The following EPC1 variants were observed in gnomAD, a reference collection of about 807,000 sequenced individuals.
EPC1 encodes the protein enhancer of polycomb homolog 1.
A neutral mutation model predicts 98.4 loss-of-function variants in EPC1; 12 were observed. That is an observed-to-expected ratio of 0.12 (90% CI 0.08 to 0.20). EPC1 has a LOEUF of 0.20. Ranked by LOEUF, EPC1 falls within the 10% of genes least tolerant of loss-of-function variation. The probability of loss-of-function intolerance (pLI) is 1.00; values close to 1 mark genes in which losing one functional copy is unlikely to be tolerated. For missense variants in EPC1, 729 were observed against 990.5 expected, an observed-to-expected ratio of 0.74 and a Z score of 3.54; for synonymous variants, 357 against 363.9, an observed-to-expected ratio of 0.98 and a Z score of 0.21.
Position 32,290,505 on chromosome 10 carries a change from A to AAAAAAAAAAAAAAAAAAGAAAG in EPC1, c.975+657_975+658insCTTTCTTTTTTTTTTTTTTTTT, listed in dbSNP as rs1554819136. On this transcript the variant is annotated intron_variant, in intron 6 of 13. Coordinates refer to ENST00000319778, the MANE Select transcript of EPC1 (RefSeq NM_001272004.3). Reference sequence around the variant, plus strand: ...TGTCAAAAAAAAAAAAAAAAAAAAAAAAAGAAAGAAAGAAAAACTCATCTG... The same window carrying AAAAAAAAAAAAAAAAAAGAAAG: ...TGTCAAAAAAAAAAAAAAAAAAAAAAAAAAAAAAAAAAAAAAAGAAAGAAAGAAAGAAAGAAAAACTCATCTG... 2.5e-4 allele frequency among the ~76,000 whole-genome samples: 19 copies of AAAAAAAAAAAAAAAAAAGAAAG among 77,520 alleles called. 1 individual carries two copies. Among genetic ancestry groups the AAAAAAAAAAAAAAAAAAGAAAG allele is most frequent in the African/African-American group, 1.1e-3 (19 of 18,092 alleles). The allele number at this position is 77,520 out of a possible 152,430, so 50.9% of individuals were successfully genotyped here.
At chr10:32,331,619 TC>T (rs1349683791) in intron 1 of EPC1, among the ~76,000 whole-genome samples, 42 of 151,610 alleles carry the variant, frequency 2.8e-4, no homozygotes, top group African/African-American at 9.1e-4. Flanking sequence ...ATATAAACTA[TC>T]CAAAGTAAAA....
intron 1 of EPC1, among the ~76,000 whole-genome samples, chr10:32,334,907 C>A (rs1286210881): frequency 1.3e-5 from 2 of 152,134 alleles, no homozygotes; most frequent in African/African-American, 2.4e-5. Flanking sequence ...TGTTGAGAAC[C>A]ACTGCAAAGG....
At chr10:32,344,879 T>C (rs1037852219) in intron 1 of EPC1, among the ~76,000 whole-genome samples, 43 of 152,346 alleles carry the variant, frequency 2.8e-4, no homozygotes, top group African/African-American at 9.1e-4. Context: ...AGCTCAGCTC[T>C]GACTTCAGGT....
At chr10:32,378,664 G>T (rs1029114219) in exon 1 of EPC1, 5 of 484,794 alleles carry the variant, frequency 1.0e-5, no homozygotes, top group African/African-American at 1.0e-4. Context: ...TGGCCGAATG[G>T]GGTGGCTTCC....
chr10:32,302,038 C>T (rs1475262273), intron 2 of EPC1, among the ~76,000 whole-genome samples: 2 of 152,090 alleles, frequency 1.3e-5, no homozygotes, highest in African/African-American at 4.8e-5. Context: ...CTTTGGGAGG[C>T]CAAGGCGGGC....
intron 1 of EPC1, among the ~76,000 whole-genome samples, chr10:32,326,997 C>CAAA (rs139000044): frequency 1.4e-3 from 104 of 75,450 alleles, no homozygotes; most frequent in African/African-American, 4.1e-3. Flanking sequence ...AGAGGGTCCT[C>CAAA]AAAAAAAAAA....
chr10:32,301,957 T>A (rs1424310263), intron 2 of EPC1, among the ~76,000 whole-genome samples: 1 of 151,148 alleles, frequency 6.6e-6, no homozygotes, highest in African/African-American at 2.4e-5. Context: ...AAAAAAAAGA[T>A]GAAAAGACAT....
At chr10:32,333,978 A>T (rs1322220027) in intron 1 of EPC1, among the ~76,000 whole-genome samples, 1 of 152,234 alleles carries the variant, frequency 6.6e-6, no homozygotes, top group East Asian at 1.9e-4. Flanking sequence ...AGAGGCCCCA[A>T]ATTGTGGTAG....
chr10:32,280,666 A>G (rs900967314), intron 10 of EPC1, among the ~76,000 whole-genome samples: 10 of 151,938 alleles, frequency 6.6e-5, no homozygotes, highest in Non-Finnish European at 1.5e-4. Context: ...TGAACCGGGG[A>G]GGTGGAGGTT....
chr10:32,315,788 G>A (rs922031675), intron 1 of EPC1, among the ~76,000 whole-genome samples: 1 of 152,090 alleles, frequency 6.6e-6, no homozygotes, highest in African/African-American at 2.4e-5. Context: ...CGTTATAATC[G>A]CCTCTAACTG....
chr10:32,290,040 T>C (rs1403234122), intron 6 of EPC1, among the ~76,000 whole-genome samples: 1 of 152,218 alleles, frequency 6.6e-6, no homozygotes, highest in African/African-American at 2.4e-5. Context: ...CCTTCACTAA[T>C]TTTATTTCCT....
chr10:32,341,095 G>C (rs1161982212), intron 1 of EPC1, among the ~76,000 whole-genome samples: 1 of 151,900 alleles, frequency 6.6e-6, no homozygotes, highest in East Asian at 1.9e-4. Context: ...TCATTTCCTT[G>C]TGCATCTCTT....
intron 1 of EPC1, among the ~76,000 whole-genome samples, chr10:32,322,948 C>A (rs1050516802): frequency 1.1e-4 from 16 of 151,916 alleles, no homozygotes; most frequent in Non-Finnish European, 1.5e-4. Context: ...TTTAAAAAAA[C>A]CATGATTTAT....
chr10:32,331,542 T>C (rs527921590), intron 1 of EPC1, among the ~76,000 whole-genome samples: 5 of 140,844 alleles, frequency 3.6e-5, no homozygotes, highest in African/African-American at 1.0e-4. Flanking sequence ...GAAAAAAAAA[T>C]AGATGACTTC....
chr10:32,374,499 G>A (rs1017123612), intron 1 of EPC1: 1 of 152,000 alleles, frequency 6.6e-6, no homozygotes, highest in Non-Finnish European at 1.5e-5. Flanking sequence ...TTTTGCAATA[G>A]GAATTTGTAT....
chr10:32,269,374 A>G, intron 13 of EPC1: 1 of 383,474 alleles, frequency 2.6e-6, no homozygotes, highest in Non-Finnish European at 4.8e-6. Flanking sequence ...GTAGTACTCA[A>G]GCAACCTAGA....
intron 9 of EPC1, chr10:32,286,452 T>C: frequency 2.0e-6 from 1 of 502,088 alleles, no homozygotes; most frequent in South Asian, 3.6e-5. Context: ...ATAATTTATC[T>C]GAGGTTTTCC....
At chr10:32,376,061 C>T (rs1168311147) in intron 1 of EPC1, among the ~76,000 whole-genome samples, 2 of 151,790 alleles carry the variant, frequency 1.3e-5, no homozygotes, top group African/African-American at 4.8e-5. Flanking sequence ...CTGTTTTTGC[C>T]TCATAGATTT....
chr10:32,330,473 T>C (rs1173347393), intron 1 of EPC1, among the ~76,000 whole-genome samples: 1 of 152,166 alleles, frequency 6.6e-6, no homozygotes, highest in African/African-American at 2.4e-5. Flanking sequence ...CAAGTATGCC[T>C]TTCCAACAGC....
Sources: gnomAD v4.1 joint callset for allele counts (sites outside exome capture counted in the v4.1 genomes callset) on GRCh38, gnomAD v4.1.1 for gene constraint, MANE v1.5 for transcripts, NCBI Gene and HGNC (gene_info 2026-07-23, HGNC 2026-07-21) for gene names.